Variants in ZNF385C observed in about 807,000 individuals in gnomAD.
ZNF385C encodes CTD-2132N18.2.
A neutral mutation model predicts 35.4 loss-of-function variants in ZNF385C; 28 were observed. The observed-to-expected ratio is 0.79, with a 90% CI of 0.59 to 1.08. ZNF385C has a LOEUF of 1.08. ZNF385C is among the 50% of genes least tolerant of loss of function. ZNF385C has a pLI of 0.00. For missense variants in ZNF385C, 605 were observed against 595.6 expected (o/e 1.02, Z -0.16); for synonymous variants, 248 against 248.2 (o/e 1.00, Z 0.01).
chr17:42,035,793 A>G (rs1175856293), intron 3 of ZNF385C, among the ~76,000 whole-genome samples: 2 of 151,574 alleles, frequency 1.3e-5, no homozygotes, highest in Non-Finnish European at 2.9e-5. Context: ...CCTCAAAATG[A>G]TCCGCCTGCC....
chr17:42,083,990 A>T (rs1226080073), intron 1 of ZNF385C, among the ~76,000 whole-genome samples: 2 of 152,156 alleles, frequency 1.3e-5, no homozygotes, highest in African/African-American at 4.8e-5. Context: ...AAGTGCCAGG[A>T]TGGCAGGCGT....
intron 2 of ZNF385C, chr17:42,039,735 T>G: frequency 1.6e-6 from 2 of 1,232,402 alleles, no homozygotes; most frequent in South Asian, 8.2e-5. Context: ...GGAAGCCCTC[T>G]CCCCACCCAC....
chr17:42,083,771 T>G (rs1284838046), intron 1 of ZNF385C, among the ~76,000 whole-genome samples: 2 of 122,096 alleles, frequency 1.6e-5, no homozygotes, highest in Non-Finnish European at 3.2e-5. Context: ...CAGGCTGGAG[T>G]GCAATGGTGC....
At chr17:42,040,279 C>G (rs1189075787) in intron 2 of ZNF385C, 1 of 1,231,672 alleles carries the variant, frequency 8.1e-7, no homozygotes, top group Non-Finnish European at 1.0e-6. Context: ...CTCCAAGCCC[C>G]GGACCGCAGC....
At chr17:42,039,272 A>T (rs1228151219) in intron 2 of ZNF385C, 1 of 160,338 alleles carries the variant, frequency 6.2e-6, no homozygotes, top group Non-Finnish European at 1.4e-5. Context: ...AAAAAAGAAA[A>T]GAAAAAGAAA....
intron 2 of ZNF385C, chr17:42,040,368 C>G: frequency 1.6e-6 from 2 of 1,231,940 alleles, no homozygotes; most frequent in Non-Finnish European, 2.0e-6. Flanking sequence ...ATGCCAGTTC[C>G]TGCAGGAAGC....
chr17:42,053,702 A>G (rs2053325311), intron 2 of ZNF385C, among the ~76,000 whole-genome samples: 1 of 152,102 alleles, frequency 6.6e-6, no homozygotes, highest in Non-Finnish European at 1.5e-5. Context: ...GTTGAGAGTA[A>G]CTGGCTACTG....
chr17:42,028,778 C>T lies in ZNF385C; in HGVS notation c.967+5G>A. Reference sequence around the variant, plus strand: ...CCCTGGGCTCCAGCTCCTGGGACTACTGACCTGTGTTGTGAGCCTGAAGCT... The same window carrying T: ...CCCTGGGCTCCAGCTCCTGGGACTATTGACCTGTGTTGTGAGCCTGAAGCT... On this transcript the variant is annotated splice_donor_5th_base_variant and intron_variant, in intron 6 of 8. Transcript: ENST00000692273. The T allele has an allele frequency of 6.5e-7, 1 of 1,547,018 alleles. No homozygotes were observed. The highest frequency in any genetic ancestry group is 8.7e-7 in the Non-Finnish European group (1 of 1,144,142).
intron 2 of ZNF385C, among the ~76,000 whole-genome samples, chr17:42,053,851 C>G (rs1277601803): frequency 6.6e-6 from 1 of 152,022 alleles, no homozygotes; most frequent in Admixed American, 6.6e-5. Context: ...CAAGAGCATT[C>G]TCTGCCTTTG....
At chr17:42,079,498 T>C (rs543495510) in intron 1 of ZNF385C, among the ~76,000 whole-genome samples, 123 of 147,260 alleles carry the variant, frequency 8.4e-4, no homozygotes, top group Non-Finnish European at 1.6e-3. Context: ...AGACTCTATC[T>C]TTACAAAAAA....
chr17:42,093,590 T>A (rs1251916573), intron 1 of ZNF385C, among the ~76,000 whole-genome samples: 22 of 151,368 alleles, frequency 1.5e-4, no homozygotes, highest in East Asian at 1.2e-3. Context: ...TATTTATTTT[T>A]TTTTTTTTGA....
chr17:42,078,204 G>A (rs553695135), intron 1 of ZNF385C, among the ~76,000 whole-genome samples: 25 of 152,218 alleles, frequency 1.6e-4, no homozygotes, highest in African/African-American at 6.0e-4. Context: ...GTGTATTGGG[G>A]TGGGGGGATG....
intron 2 of ZNF385C, chr17:42,039,690 G>A: frequency 8.1e-7 from 1 of 1,232,392 alleles, no homozygotes. Context: ...ATGGGCCGAG[G>A]GAAGGAGGCC....
intron 1 of ZNF385C, among the ~76,000 whole-genome samples, chr17:42,085,423 C>T (rs1318135803): frequency 6.6e-6 from 1 of 151,148 alleles, no homozygotes; most frequent in Non-Finnish European, 1.5e-5. Flanking sequence ...TGTGCGCCAC[C>T]ACGTCCGGCT....
intron 2 of ZNF385C, chr17:42,039,655 T>TA (rs1228767869): frequency 5.2e-5 from 64 of 1,226,962 alleles, no homozygotes; most frequent in Middle Eastern, 3.1e-4. Flanking sequence ...GGTTGGCCCT[T>TA]ACAGTGCCCA....
At chr17:42,055,476 A>C (rs577413160) in intron 2 of ZNF385C, among the ~76,000 whole-genome samples, 7 of 152,200 alleles carry the variant, frequency 4.6e-5, no homozygotes, top group African/African-American at 1.7e-4. Flanking sequence ...AGCGTGGGGC[A>C]CTTCTGTCAC....
At chr17:42,042,025 G>A (rs2053034533) in intron 2 of ZNF385C, among the ~76,000 whole-genome samples, 1 of 152,102 alleles carries the variant, frequency 6.6e-6, no homozygotes, top group Non-Finnish European at 1.5e-5. Flanking sequence ...ACACATTCGA[G>A]TTTTTCAAAA....
chr17:42,064,070 A>G (rs1462715642), intron 1 of ZNF385C, among the ~76,000 whole-genome samples: 3 of 115,500 alleles, frequency 2.6e-5, no homozygotes, highest in African/African-American at 7.4e-5. Context: ...GCGCACACGC[A>G]CATACACACA....
chr17:42,082,853 G>A (rs965848777), intron 1 of ZNF385C, among the ~76,000 whole-genome samples: 1 of 152,174 alleles, frequency 6.6e-6, no homozygotes, highest in African/African-American at 2.4e-5. Context: ...CAAGGCTGGT[G>A]GATCACCTGA....
Sources: allele counts gnomAD v4.1 joint callset (sites outside exome capture counted in the v4.1 genomes callset), GRCh38; gene constraint gnomAD v4.1.1; transcripts MANE v1.5; gene names NCBI Gene and HGNC (gene_info 2026-07-23, HGNC 2026-07-21).